Variants in GTF3C3 observed in about 807,000 individuals in gnomAD.
GTF3C3 encodes the protein general transcription factor IIIC subunit 3.
In GTF3C3, 75 loss-of-function variants were observed where a neutral mutation model predicts 105.2. The ratio of observed to expected loss-of-function variants is 0.71; its 90% CI spans 0.59 to 0.86. The LOEUF is 0.86. Ranked by LOEUF, GTF3C3 falls within the 40% of genes least tolerant of loss-of-function variation. GTF3C3 has a pLI of 0.00. For synonymous variants in GTF3C3, 335 were observed against 370.4 expected, an observed-to-expected ratio of 0.90 and a Z score of 1.10; for missense variants, 856 against 1,076.5, an observed-to-expected ratio of 0.80 and a Z score of 2.87.
intron 6 of GTF3C3, among the ~76,000 whole-genome samples, chr2:196,788,091 G>A (rs1456536788): frequency 6.6e-6 from 1 of 152,196 alleles, no homozygotes; most frequent in African/African-American, 2.4e-5. Context: ...TTAACTAACA[G>A]CAAATAACCT....
Position 196,764,493 on chromosome 2 carries a change from TAAGCCCTGAGACAGAA to T in GTF3C3, c.*54_*69del. ...ATTTCTATTTTGGAGTTACAAATAATAAGCCCTGAGACAGAAGACACTGGTCCTCACACAGCAGCTG... is the reference window on the plus strand; with the variant it reads ...ATTTCTATTTTGGAGTTACAAATAATGACACTGGTCCTCACACAGCAGCTG... On this transcript the variant is annotated 3_prime_UTR_variant, in exon 18 of 18. Transcript: ENST00000263956. 1 of 1,362,146 alleles carries T rather than the reference TAAGCCCTGAGACAGAA, an allele frequency of 7.3e-7. No homozygotes were observed. The highest frequency in any genetic ancestry group is 9.8e-7 in the Non-Finnish European group (1 of 1,015,322). The allele number at this position is 1,362,146 out of a possible 1,614,324, so 84.4% of individuals were successfully genotyped here. A position where few individuals can be genotyped will look rare whatever the true frequency, so the allele number is the denominator to read the frequency against.
chr2:196,795,076 C>G (rs141562622), intron 2 of GTF3C3, among the ~76,000 whole-genome samples: 45 of 152,062 alleles, frequency 3.0e-4, no homozygotes, highest in African/African-American at 9.2e-4. Context: ...GAGTCTTGCT[C>G]TGTCGCCCAG....
Position 196,799,564 on chromosome 2 carries a change from G to A in GTF3C3, c.48C>T (p.Ile16=). ...PELIDYLEGK[I]SFEEFERRRE... ...TCCGCCGTTCGAACTCCTCAAAGGA[G>A]ATTTTCCCTTCCAAGTAGTCGATGA... Residue 16 remains isoleucine (I), a synonymous_variant, in exon 1 of 18, where the codon ATC becomes ATT. Transcript: ENST00000263956. The A allele has an allele frequency of 6.2e-7, 1 of 1,614,174 alleles. No individual in the cohort carries two copies. The highest frequency in any genetic ancestry group is 8.5e-7 in the Non-Finnish European group (1 of 1,180,006).
intron 2 of GTF3C3, among the ~76,000 whole-genome samples, chr2:196,793,991 T>G (rs1479549091): frequency 1.3e-5 from 2 of 152,178 alleles, no homozygotes; most frequent in Non-Finnish European, 2.9e-5. Context: ...GTGCGAATAT[T>G]GAGAGGTCTT....
rs2125751420 is a variant in GTF3C3 at position 196,793,148 on chromosome 2, T to C, written c.219A>G (p.Glu73=). Reference sequence around the variant, plus strand: ...CTGACTTCCTCACTCCATCTGATGTTTCTCCTGAGAAAAGAGACATTGATG... The same window carrying C: ...CTGACTTCCTCACTCCATCTGATGTCTCTCCTGAGAAAAGAGACATTGATG... The part of the protein sequence containing the change: ...KSQDKDVNEG[E]TSDGVRKSVH... The change falls in exon 3 of 18, where the codon GAA becomes GAG. Residue 73 remains glutamate, a synonymous_variant. Coordinates refer to ENST00000263956, the MANE Select transcript of GTF3C3 (RefSeq NM_012086.5). 2 of 1,601,046 alleles carry C rather than the reference T, an allele frequency of 1.2e-6. No homozygotes were observed. Among genetic ancestry groups the C allele is most frequent in the East Asian group, 4.5e-5 (2 of 44,562 alleles).
chr2:196,777,608 T>C (rs1314371107), intron 10 of GTF3C3: 3 of 152,242 alleles, frequency 2.0e-5, no homozygotes, highest in African/African-American at 7.2e-5. Flanking sequence ...AACATTAATA[T>C]GGATGGATCA....
In GTF3C3 at chr2:196,763,655, C is replaced by G. The variant is rs1038178104; in HGVS notation, c.*908G>C. Reference sequence around the variant, plus strand: ...CCTCCCACAATTGGGCTGGGTGTTACTAACCCATGTGCACATTAATTACAG... The same window carrying G: ...CCTCCCACAATTGGGCTGGGTGTTAGTAACCCATGTGCACATTAATTACAG... On this transcript the variant is annotated 3_prime_UTR_variant, in exon 18 of 18. Coordinates refer to ENST00000263956, the MANE Select transcript of GTF3C3 (RefSeq NM_012086.5). 1.3e-5 allele frequency: 2 copies of G among 152,120 alleles called. No homozygotes were observed. The highest frequency in any genetic ancestry group is 2.9e-5 in the Non-Finnish European group (2 of 68,008). The allele number at this position is 152,120 out of a possible 1,614,324, so 9.4% of individuals were successfully genotyped here.
intron 16 of GTF3C3, among the ~76,000 whole-genome samples, chr2:196,767,421 G>A (rs1320012210): frequency 6.6e-6 from 1 of 152,094 alleles, no homozygotes; most frequent in Non-Finnish European, 1.5e-5. Context: ...AAAGGTCTGA[G>A]TCCTAATTAA....
chr2:196,778,706 T>A, intron 10 of GTF3C3, 190 bp downstream of exon 10: 1 of 596,008 alleles, frequency 1.7e-6, no homozygotes, highest in Non-Finnish European at 3.0e-6. Flanking sequence ...ATTAAGTAAA[T>A]CATTCCTCCA....
rs1480843029 is a variant in GTF3C3, at chr2:196,773,081, G to A, written c.1904C>T (p.Ser635Phe). The change falls in exon 14 of 18, where the codon TCC (serine) becomes TTC (phenylalanine). Residue 635 changes from serine to phenylalanine, a missense_variant. Ser to Phe is a radical substitution (Grantham distance 155). Coordinates refer to ENST00000263956, the MANE Select transcript of GTF3C3 (RefSeq NM_012086.5). ...TTGAAATCGGGATAGGTCACATAAG[G>A]AGTATATGGCCTTCAACAGAAGATT... ...WWNLLLKAIY[S>F]LCDLSRFQEA... The A allele has an allele frequency of 6.2e-7, 1 of 1,612,812 alleles. No homozygotes were observed. The highest frequency in any genetic ancestry group is 8.5e-7 in the Non-Finnish European group (1 of 1,178,978).
rs1260338486 is a variant in GTF3C3 at position 196,775,158 on chromosome 2, A to T, written c.1789T>A (p.Ser597Thr). Residue 597 changes from serine to threonine, a missense_variant, in exon 13 of 18, where the codon TCA (serine) becomes ACA (threonine). Ser to Thr is a moderately conservative substitution (Grantham distance 58, BLOSUM62 1). This residue lies in a region of GTF3C3 where 605 missense variants were observed against 833.6 expected (regional missense o/e 0.73). Coordinates refer to ENST00000263956, the MANE Select transcript of GTF3C3 (RefSeq NM_012086.5). ...GCTGACTCTTGGTCATTGCTGTCTG[A>T]TATTTTGTCTCTCGATACTTTAATA... ...YLIKVSRDKI[S>T]DSNDQESANC... 5.6e-6 allele frequency: 9 copies of T among 1,613,050 alleles called. No homozygotes were observed. The highest frequency in any genetic ancestry group is 5.1e-6 in the Non-Finnish European group (6 of 1,179,196).
chr2:196,777,466 C>G (rs1240480916), intron 10 of GTF3C3, among the ~76,000 whole-genome samples: 2 of 152,194 alleles, frequency 1.3e-5, no homozygotes, highest in Non-Finnish European at 2.9e-5. Flanking sequence ...AACGTGAAAA[C>G]AAGTCTCTGT....
intron 9 of GTF3C3, chr2:196,780,334 CT>C: frequency 8.7e-7 from 1 of 1,152,578 alleles, no homozygotes; most frequent in Non-Finnish European, 1.1e-6. Flanking sequence ...AAATTATGAT[CT>C]TTAGATTGTT....
chr2:196,789,911 T>C lies in GTF3C3; in HGVS notation c.695A>G (p.Asn232Ser). The change falls in exon 5 of 18, where the codon AAT becomes AGT. Residue 232 changes from asparagine to serine, a missense_variant. Transcript: ENST00000263956. ...RLAEMSLEQD[N>S]IKQAIFCYTK... ...ATAGCAAAAAATAGCCTGCTTAATA[T>C]TGTCTTGTTCCAGAGACATTTCTGC... is the stretch of plus-strand genomic sequence containing the variant. The C allele has an allele frequency of 1.9e-6, 3 of 1,603,512 alleles. No homozygotes were observed. Among genetic ancestry groups the C allele is most frequent in the Non-Finnish European group, 1.7e-6 (2 of 1,176,930 alleles).
intron 9 of GTF3C3, 70 bp downstream of exon 9, chr2:196,780,489 T>G: frequency 6.7e-7 from 1 of 1,503,258 alleles, no homozygotes; most frequent in Non-Finnish European, 9.0e-7. Context: ...AGTTATAATT[T>G]CTTGACATCT....
intron 14 of GTF3C3, 102 bp from the exon 15 acceptor site, chr2:196,772,040 C>T (rs989205163): frequency 6.1e-5 from 44 of 719,752 alleles, no homozygotes; most frequent in Non-Finnish European, 9.3e-5. Context: ...CTGAAATGTA[C>T]CATCCTCCAA....
In GTF3C3 at chr2:196,799,670, G is replaced by A. The variant is rs754130288; in HGVS notation, c.-59C>T. ...CGGGACAGAGAACCGGAAGAGCAGC[G>A]CCTTCCAGAAGCTACCTCGCCGGGG... On this transcript the variant is annotated 5_prime_UTR_variant, in exon 1 of 18. Coordinates refer to ENST00000263956, the MANE Select transcript of GTF3C3 (RefSeq NM_012086.5). 6.2e-5 allele frequency: 79 copies of A among 1,267,112 alleles called. 1 individual carries two copies. In the South Asian group the frequency reaches 8.4e-4, roughly 14 times the overall value. 78.5% of individuals were successfully genotyped at this position (1,267,112 alleles called of 1,614,324 possible).
At chr2:196,781,365 T>A (rs374257410) in intron 8 of GTF3C3, among the ~76,000 whole-genome samples, 2,309 of 88,760 alleles carry the variant, frequency 0.026, 145 homozygotes, top group African/African-American at 0.09. Flanking sequence ...AAAATATATA[T>A]ATATATATAT....
chr2:196,782,041 A>G (rs1444908073), intron 8 of GTF3C3, among the ~76,000 whole-genome samples: 1 of 152,248 alleles, frequency 6.6e-6, no homozygotes, highest in East Asian at 1.9e-4. Flanking sequence ...CATTCTAGAA[A>G]TGCTGTTTGC....
Sources: allele counts gnomAD v4.1 joint callset (sites outside exome capture counted in the v4.1 genomes callset), GRCh38; gene constraint gnomAD v4.1.1; regional missense constraint gnomAD v4.1.1; transcripts MANE v1.5; gene names NCBI Gene and HGNC (gene_info 2026-07-23, HGNC 2026-07-21).